TNFRSF8: variants seen among roughly 807,000 people sequenced by gnomAD.
TNFRSF8 encodes the protein TNF receptor superfamily member 8.
Under a neutral mutation model 70.8 loss-of-function variants are expected in TNFRSF8, and 26 were observed. That is an observed-to-expected ratio of 0.37 (90% CI 0.27 to 0.51). The LOEUF (loss-of-function observed/expected upper bound fraction) is 0.51, where lower values mean the gene tolerates loss of function less well. Ranked by LOEUF, TNFRSF8 falls within the 20% of genes least tolerant of loss-of-function variation. The pLI is 0.94. For synonymous variants in TNFRSF8, 356 were observed against 339.2 expected (o/e 1.05, Z -0.54); for missense variants, 720 against 807.9 (o/e 0.89, Z 1.32).
intron 8 of TNFRSF8, among the ~76,000 whole-genome samples, chr1:12,117,160 G>A (rs1409200171): frequency 2.0e-5 from 3 of 151,858 alleles, no homozygotes; most frequent in Non-Finnish European, 4.4e-5. Context: ...TCAGCTCACT[G>A]CAACCTCCGT....
intron 7 of TNFRSF8, among the ~76,000 whole-genome samples, chr1:12,114,969 A>G (rs947823074): frequency 3.3e-5 from 5 of 152,104 alleles, no homozygotes; most frequent in African/African-American, 1.2e-4. Flanking sequence ...GGCCTCCCAA[A>G]GTGCCGGGAT....
intron 1 of TNFRSF8, among the ~76,000 whole-genome samples, chr1:12,072,085 G>C (rs1009462533): frequency 6.6e-6 from 1 of 152,202 alleles, no homozygotes; most frequent in African/African-American, 2.4e-5. Flanking sequence ...ACTTGAGCAA[G>C]TTAAGTTACC....
chr1:12,069,548 T>A (rs1198609862), intron 1 of TNFRSF8, among the ~76,000 whole-genome samples: 2 of 152,322 alleles, frequency 1.3e-5, no homozygotes, highest in South Asian at 4.1e-4. Flanking sequence ...GTGAAGACTG[T>A]GACTTTGGGT....
chr1:12,102,947 G>A (rs1237692638), intron 3 of TNFRSF8, among the ~76,000 whole-genome samples: 1 of 152,172 alleles, frequency 6.6e-6, no homozygotes, highest in Admixed American at 6.6e-5. Context: ...ATCTCACTGT[G>A]ATTTTGACTT....
Position 12,110,058 on chromosome 1 carries a change from C to T in TNFRSF8, c.530C>T (p.Ala177Val), listed in dbSNP as rs1232321571. 1 of 1,613,048 alleles carries T rather than the reference C, an allele frequency of 6.2e-7. No homozygotes were observed. The highest frequency in any genetic ancestry group is 1.7e-5 in the Admixed American group (1 of 59,812). The change falls in exon 6 of 15, where the codon GCC becomes GTC. Residue 177 changes from alanine (A) to valine (V), a missense_variant. Coordinates refer to ENST00000263932, the MANE Select transcript of TNFRSF8 (RefSeq NM_001243.5). This position sits in a 1 kb window ranked among gnomAD's most constrained non-coding sequence, Gnocchi z 4.0. ...TTCCCCAGTGGCACCATCCCCCAGG[C>T]CAAGCCCACCCCGGTGTCCCCAGCA... ...KEPSSGTIPQAKPTPVSPATS... is the reference protein window; with the variant it reads ...KEPSSGTIPQVKPTPVSPATS...
At position 12,110,995 on chromosome 1, in the gene TNFRSF8, G is replaced by A. The variant is rs1234208827; in HGVS notation, c.676+791G>A. Among the ~76,000 whole-genome samples the A allele has an allele frequency of 7.2e-5, 11 of 152,138 alleles. No individual in the cohort carries two copies. The highest frequency in any genetic ancestry group is 1.0e-4 in the Non-Finnish European group (7 of 68,034). Reference sequence around the variant, plus strand: ...AATATTTGGGTTGTTTCTGCCTTTTGACTATAATGAAGAAAGAAAAATACA... The same window carrying A: ...AATATTTGGGTTGTTTCTGCCTTTTAACTATAATGAAGAAAGAAAAATACA... On this transcript the variant is annotated intron_variant, in intron 6 of 14. Coordinates refer to ENST00000263932, the MANE Select transcript of TNFRSF8 (RefSeq NM_001243.5). This position sits in a 1 kb window ranked among gnomAD's most constrained non-coding sequence, Gnocchi z 4.0.
Position 12,108,853 on chromosome 1 carries a change from G to C in TNFRSF8, c.422-713G>C, listed in dbSNP as rs1436930417. On this transcript the variant is annotated intron_variant, in intron 4 of 14. Coordinates refer to ENST00000263932, the MANE Select transcript of TNFRSF8 (RefSeq NM_001243.5). The surrounding 1 kb of genome is among the most constrained non-coding windows in gnomAD (Gnocchi z 4.0). ...CAAGTAAATAAAATGGACTTTCCTG[G>C]CACAGTTAGGACATAGCAGGCAAAC... Among the ~76,000 whole-genome samples, 2 of 152,094 alleles carry C rather than the reference G, an allele frequency of 1.3e-5. No individual in the cohort carries two copies. The highest frequency in any genetic ancestry group is 4.8e-5 in the African/African-American group (2 of 41,426).
chr1:12,123,468 G>T lies in TNFRSF8; in HGVS notation c.1040+91G>T. ...GGGATGCCTGGGAGGCAGCTGGGCT[G>T]GGGGTGGAGGTGGGGCCTGGGCTGC... On this transcript the variant is annotated intron_variant, in intron 9 of 14. Transcript: ENST00000263932. The T allele has an allele frequency of 3.9e-6, 5 of 1,273,490 alleles. No homozygotes were observed. In the Middle Eastern group the frequency reaches 6.1e-4, roughly 155 times the overall value. 78.9% of individuals were successfully genotyped at this position (1,273,490 alleles called of 1,614,324 possible).
rs1640690373 is a variant in TNFRSF8 at position 12,063,837 on chromosome 1, G to A, written c.63+176G>A. 6.6e-6 allele frequency among the ~76,000 whole-genome samples: 1 copy of A among 152,206 alleles called. No individual in the cohort carries two copies. Among genetic ancestry groups the A allele is most frequent in the Non-Finnish European group, 1.5e-5 (1 of 68,028 alleles). ...TGCTAGCACCCACAGGTGGGAGGCT[G>A]GCTGAAGGGCTAGTGGTGGGGGGCG... On this transcript the variant is annotated intron_variant, in intron 1 of 14. Transcript: ENST00000263932. This position sits in a 1 kb window ranked among gnomAD's most constrained non-coding sequence, Gnocchi z 7.2.
At chr1:12,068,252 G>T (rs1640776700) in intron 1 of TNFRSF8, among the ~76,000 whole-genome samples, 1 of 152,144 alleles carries the variant, frequency 6.6e-6, no homozygotes, top group South Asian at 2.1e-4. Context: ...AGGGTCCTTG[G>T]CAATGACAGT....
intron 1 of TNFRSF8, among the ~76,000 whole-genome samples, chr1:12,069,368 G>A (rs1640801847): frequency 6.6e-6 from 1 of 151,258 alleles, no homozygotes; most frequent in East Asian, 1.9e-4. Flanking sequence ...TATTAGAGAC[G>A]GGATTTCACC....
chr1:12,084,291 G>T (rs986951764), intron 1 of TNFRSF8, among the ~76,000 whole-genome samples, 173 bp from the exon 2 acceptor site: 11 of 152,134 alleles, frequency 7.2e-5, no homozygotes, highest in African/African-American at 2.7e-4. Flanking sequence ...GCCTGAGCTG[G>T]AGTAGCAGGG....
At chr1:12,104,852 C>A (rs1255253792) in intron 4 of TNFRSF8, among the ~76,000 whole-genome samples, 1 of 152,196 alleles carries the variant, frequency 6.6e-6, no homozygotes, top group Non-Finnish European at 1.5e-5. Context: ...AAGTCTCTGT[C>A]CTGGGAGTTT....
chr1:12,129,355 A>G (rs2101034862), intron 12 of TNFRSF8, among the ~76,000 whole-genome samples: 1 of 152,340 alleles, frequency 6.6e-6, no homozygotes, highest in Admixed American at 6.5e-5. Flanking sequence ...TCAGACAGAC[A>G]AGGGTGTATT....
chr1:12,073,736 G>C (rs1180133662), intron 1 of TNFRSF8, among the ~76,000 whole-genome samples: 1 of 151,610 alleles, frequency 6.6e-6, no homozygotes, highest in Non-Finnish European at 1.5e-5. Flanking sequence ...TGGGATTACA[G>C]GCGCCCACCA....
At chr1:12,080,235 C>T (rs1229229740) in intron 1 of TNFRSF8, 2 of 515,952 alleles carry the variant, frequency 3.9e-6, no homozygotes, top group Non-Finnish European at 7.7e-6. Context: ...AGGCATGAGC[C>T]ACCGTGCCCA....
chr1:12,138,312 C>T lies in TNFRSF8; in HGVS notation c.1419C>T (p.His473=). 6.2e-7 allele frequency: 1 copy of T among 1,613,818 alleles called. No homozygotes were observed. The highest frequency in any genetic ancestry group is 8.5e-7 in the Non-Finnish European group (1 of 1,179,992). ...LMSQPLMETC[H]SVGAAYLESL... ...GCCAGCCACTGATGGAGACCTGCCACAGCGTGGGGGCAGCCTACCTGGAGA... is the reference window on the plus strand; with the variant it reads ...GCCAGCCACTGATGGAGACCTGCCATAGCGTGGGGGCAGCCTACCTGGAGA... Residue 473 remains histidine (H), a synonymous_variant, in exon 14 of 15, where the codon CAC becomes CAT. Transcript: ENST00000263932. The surrounding 1 kb of genome is among the most constrained non-coding windows in gnomAD (Gnocchi z 5.7).
intron 12 of TNFRSF8, among the ~76,000 whole-genome samples, chr1:12,133,723 A>G: frequency 7.8e-6 from 1 of 128,628 alleles, no homozygotes; most frequent in African/African-American, 3.1e-5. Flanking sequence ...CTGGCGACAG[A>G]GTTAGACTCC....
At chr1:12,118,075 C>T (rs991380843) in intron 8 of TNFRSF8, among the ~76,000 whole-genome samples, 8 of 152,126 alleles carry the variant, frequency 5.3e-5, no homozygotes, top group Admixed American at 2.0e-4. Flanking sequence ...ATAGATGCCA[C>T]ATTTATCTAT....
Sources: gnomAD v4.1 joint callset for allele counts (sites outside exome capture counted in the v4.1 genomes callset) on GRCh38, gnomAD v4.1.1 for gene constraint, Gnocchi (gnomAD v3.1) non-coding constraint, MANE v1.5 for transcripts, NCBI Gene and HGNC (gene_info 2026-07-23, HGNC 2026-07-21) for gene names.